Variants in SSU72 observed in about 807,000 individuals in gnomAD.
SSU72 encodes the protein SSU72 homolog, RNA polymerase II CTD phosphatase.
In SSU72, 12 loss-of-function variants were observed where a neutral mutation model predicts 22.7. The observed-to-expected ratio is 0.53, with a 90% CI of 0.34 to 0.86. The LOEUF (loss-of-function observed/expected upper bound fraction) is 0.86, where lower values mean the gene tolerates loss of function less well. SSU72 is among the 40% of genes least tolerant of loss of function. The pLI is 0.02. For synonymous variants in SSU72, 116 were observed against 98.3 expected (o/e 1.18, Z -1.06); for missense variants, 151 against 249.8 (o/e 0.60, Z 2.67).
chr1:1,571,132 T>C (rs1394234498), intron 1 of SSU72, among the ~76,000 whole-genome samples: 2 of 151,534 alleles, frequency 1.3e-5, no homozygotes, highest in East Asian at 1.9e-4. Context: ...GTAGTCCCAG[T>C]TACTCAGGAG....
rs957280379 is a variant in SSU72, at chr1:1,565,010, A to G, written c.81-94T>C. ...CAAATGGGATAGAAACAAAATGAGT[A>G]ATTTCATTGGCTCATAGTAGAGAAT... On this transcript the variant is annotated intron_variant, in intron 1 of 4. Coordinates refer to ENST00000291386, the MANE Select transcript of SSU72 (RefSeq NM_014188.3). 15 of 1,455,222 alleles carry G rather than the reference A, an allele frequency of 1.0e-5. No individual in the cohort carries two copies. The African/African-American group carries it at 1.8e-4, about 18-fold the overall frequency. The allele number at this position is 1,455,222 out of a possible 1,614,324, so 90.1% of individuals were successfully genotyped here.
At chr1:1,547,817 A>G (rs1642410165) in intron 2 of SSU72, among the ~76,000 whole-genome samples, 1 of 152,226 alleles carries the variant, frequency 6.6e-6, no homozygotes, top group Admixed American at 6.5e-5. Flanking sequence ...GAACCTAAGT[A>G]CTGCCGGGCG....
intron 2 of SSU72, chr1:1,545,641 C>G (rs1014120515): frequency 2.0e-5 from 3 of 152,412 alleles, no homozygotes; most frequent in African/African-American, 7.2e-5. Flanking sequence ...AACCCCGTCT[C>G]TACTAAAAAT....
In SSU72 at chr1:1,542,274, C is replaced by T. The variant is rs1570376977; in HGVS notation, c.484-107G>A. Reference sequence around the variant, plus strand: ...CCAGGCCTGAGCCAGCAGAAACCAGCGCAGCAGGCAGGCCCTCACCCCACC... The same window carrying T: ...CCAGGCCTGAGCCAGCAGAAACCAGTGCAGCAGGCAGGCCCTCACCCCACC... On this transcript the variant is annotated intron_variant, in intron 4 of 4. Coordinates refer to ENST00000291386, the MANE Select transcript of SSU72 (RefSeq NM_014188.3). The surrounding 1 kb of genome is among the most constrained non-coding windows in gnomAD (Gnocchi z 4.4). 1.5e-5 allele frequency: 16 copies of T among 1,099,472 alleles called. No individual in the cohort carries two copies. The highest frequency in any genetic ancestry group is 2.6e-5 in the East Asian group (1 of 38,250). 68.1% of individuals were successfully genotyped at this position (1,099,472 alleles called of 1,614,324 possible).
rs1642492426 is a variant in SSU72, at chr1:1,554,291, G to A, written c.225-9289C>T. Among the ~76,000 whole-genome samples, 1 of 151,396 alleles carries A rather than the reference G, an allele frequency of 6.6e-6. No homozygotes were observed. Among genetic ancestry groups the A allele is most frequent in the Non-Finnish European group, 1.5e-5 (1 of 67,854 alleles). The stretch of plus-strand genomic sequence containing the variant: ...GCCCCCACGAAGCTGAGCACGAGAC[G>A]GATCCGGACCACTCGGGGGTCCCCA... On this transcript the variant is annotated intron_variant, in intron 2 of 4. Coordinates refer to ENST00000291386, the MANE Select transcript of SSU72 (RefSeq NM_014188.3). This position sits in a 1 kb window ranked among gnomAD's most constrained non-coding sequence, Gnocchi z 4.1.
intron 1 of SSU72, among the ~76,000 whole-genome samples, chr1:1,572,951 A>G (rs116720752): frequency 0.061 from 9,256 of 151,294 alleles, 929 homozygotes; most frequent in African/African-American, 0.21. Flanking sequence ...CAGTTTATAA[A>G]TGAAGATCCA....
intron 2 of SSU72, among the ~76,000 whole-genome samples, chr1:1,548,316 T>C (rs1295439231): frequency 6.6e-6 from 1 of 152,166 alleles, no homozygotes; most frequent in Non-Finnish European, 1.5e-5. Context: ...CCCAGCACTT[T>C]GGGAGGCTGA....
chr1:1,571,496 C>A (rs1215211836), intron 1 of SSU72, among the ~76,000 whole-genome samples: 1 of 150,820 alleles, frequency 6.6e-6, no homozygotes, highest in African/African-American at 2.4e-5. Context: ...TATCCATATT[C>A]ATGATATCCA....
Position 1,551,224 on chromosome 1 carries a change from C to T in SSU72, c.225-6222G>A, listed in dbSNP as rs560202104. ...AGCCACACACGTCTCCCAGAGGCTG[C>T]GGGAGGTATAAATAGCACCATTTGT... is the stretch of plus-strand genomic sequence containing the variant. On this transcript the variant is annotated intron_variant, in intron 2 of 4. Coordinates refer to ENST00000291386, the MANE Select transcript of SSU72 (RefSeq NM_014188.3). Among the ~76,000 whole-genome samples the T allele has an allele frequency of 1.8e-4, 28 of 152,250 alleles. No individual in the cohort carries two copies. The South Asian group carries it at 5.2e-3, about 28-fold the overall frequency.
In SSU72 at chr1:1,564,761, C is replaced by G. The variant is rs1318823897; in HGVS notation, c.224+12G>C. 1 of 1,614,154 alleles carries G rather than the reference C, an allele frequency of 6.2e-7. No individual in the cohort carries two copies. Among genetic ancestry groups the G allele is most frequent in the Non-Finnish European group, 8.5e-7 (1 of 1,180,010 alleles). ...ACACGGGGGGTTTTTAAAGGGCAAC[C>G]CGCTGGGATACAGTTCTTTGTCTTT... On this transcript the variant is annotated intron_variant, in intron 2 of 4. Transcript: ENST00000291386.
chr1:1,549,169 C>A (rs1302586684), intron 2 of SSU72, among the ~76,000 whole-genome samples: 1 of 152,254 alleles, frequency 6.6e-6, no homozygotes, highest in Non-Finnish European at 1.5e-5. Context: ...GAGAAACAAA[C>A]TAAGCTTTCT....
intron 1 of SSU72, among the ~76,000 whole-genome samples, chr1:1,568,557 G>A (rs779588123): frequency 1.1e-4 from 16 of 151,780 alleles, no homozygotes; most frequent in Non-Finnish European, 1.9e-4. Flanking sequence ...TGGGCCCCGT[G>A]ATGGTGCCAC....
intron 2 of SSU72, among the ~76,000 whole-genome samples, chr1:1,557,601 T>C (rs557654408): frequency 1.4e-4 from 22 of 152,088 alleles, no homozygotes; most frequent in Admixed American, 8.5e-4. Context: ...TTGAGACATG[T>C]CTGGCCAACG....
chr1:1,564,104 G>A (rs1009048848), intron 2 of SSU72: 13 of 162,818 alleles, frequency 8.0e-5, no homozygotes, highest in Non-Finnish European at 1.3e-4. Flanking sequence ...TTCCATTAGC[G>A]TGGGGGTGAC....
intron 3 of SSU72, 39 bp from the exon 4 acceptor site, chr1:1,544,026 A>T (rs2100703557): frequency 6.6e-7 from 1 of 1,522,710 alleles, no homozygotes; most frequent in East Asian, 2.3e-5. Context: ...AGAGGCTCCA[A>T]AACCAGGGAA....
intron 1 of SSU72, among the ~76,000 whole-genome samples, chr1:1,571,436 A>AC (rs1212883216): frequency 2.7e-5 from 4 of 147,198 alleles, no homozygotes; most frequent in South Asian, 4.2e-4. Context: ...GACTTCAACA[A>AC]AAAAAAAAAA....
intron 1 of SSU72, among the ~76,000 whole-genome samples, chr1:1,572,532 A>G (rs61774865): frequency 2.0e-5 from 3 of 149,086 alleles, no homozygotes; most frequent in Admixed American, 6.7e-5. Context: ...TCTCGGCTCA[A>G]TGCAAGCTCC....
chr1:1,550,292 G>A (rs929211163), intron 2 of SSU72, among the ~76,000 whole-genome samples: 2 of 152,166 alleles, frequency 1.3e-5, no homozygotes, highest in East Asian at 1.9e-4. Flanking sequence ...CAGCCCGGCT[G>A]GGGGTAGCTG....
intron 2 of SSU72, among the ~76,000 whole-genome samples, chr1:1,550,463 G>A (rs1642443254): frequency 6.6e-6 from 1 of 152,230 alleles, no homozygotes. Context: ...TAAGCCTAAT[G>A]CTTTTGACCC....
Sources: gnomAD v4.1 joint callset for allele counts (sites outside exome capture counted in the v4.1 genomes callset) on GRCh38, gnomAD v4.1.1 for gene constraint, Gnocchi (gnomAD v3.1) non-coding constraint, MANE v1.5 for transcripts, NCBI Gene and HGNC (gene_info 2026-07-23, HGNC 2026-07-21) for gene names.